Variants in NAALADL2 observed in about 807,000 individuals in gnomAD.
NAALADL2 encodes the protein N-acetylated alpha-linked acidic dipeptidase like 2.
Under a neutral mutation model 87.2 loss-of-function variants are expected in NAALADL2, and 76 were observed. The ratio of observed to expected loss-of-function variants is 0.87; its 90% CI spans 0.72 to 1.05. The LOEUF is 1.05. NAALADL2 is among the 50% of genes least tolerant of loss of function. The probability of loss-of-function intolerance (pLI) is 0.00; values close to 1 mark genes in which losing one functional copy is unlikely to be tolerated. For synonymous variants in NAALADL2, 354 were observed against 331.0 expected (o/e 1.07, Z -0.75); for missense variants, 1,089 against 945.8 (o/e 1.15, Z -1.99).
At chr3:175,593,063 T>A (rs967339529) in intron 10 of NAALADL2, among the ~76,000 whole-genome samples, 1 of 152,110 alleles carries the variant, frequency 6.6e-6, no homozygotes, top group Non-Finnish European at 1.5e-5. Flanking sequence ...GTCTGTTACA[T>A]AGGTAAACCT....
chr3:174,540,250 G>A (rs559481041), intron 1 of NAALADL2, among the ~76,000 whole-genome samples: 3 of 152,270 alleles, frequency 2.0e-5, no homozygotes, highest in Admixed American at 6.5e-5. Context: ...TGAGCTAGGC[G>A]TCAGTGAAGG....
chr3:174,467,525 A>AGAGGTTGCAGTGAGCT (rs1716609497), intron 1 of NAALADL2, among the ~76,000 whole-genome samples: 1 of 145,540 alleles, frequency 6.9e-6, no homozygotes, highest in South Asian at 2.3e-4. Flanking sequence ...CCCGGGAGGC[A>AGAGGTTGCAGTGAGCT]GAGGTTGCAG....
chr3:175,447,442 A>ACATACATC, intron 6 of NAALADL2, 70 bp downstream of exon 6: 1 of 1,059,718 alleles, frequency 9.4e-7, no homozygotes, highest in Non-Finnish European at 1.3e-6. Flanking sequence ...TTAATCTCCT[A>ACATACATC]AATTGATGTA....
intron 2 of NAALADL2, among the ~76,000 whole-genome samples, chr3:174,557,183 T>C (rs936644068): frequency 6.6e-6 from 1 of 152,218 alleles, no homozygotes; most frequent in African/African-American, 2.4e-5. Context: ...GCATTCTGTT[T>C]CGGCCTTTTT....
At chr3:175,348,193 A>G (rs1763359263) in intron 5 of NAALADL2, among the ~76,000 whole-genome samples, 1 of 152,066 alleles carries the variant, frequency 6.6e-6, no homozygotes, top group African/African-American at 2.4e-5. Context: ...CTGGGATTAC[A>G]GTCATGTGCC....
chr3:175,268,546 A>T (rs1752320815), intron 4 of NAALADL2, among the ~76,000 whole-genome samples: 1 of 151,990 alleles, frequency 6.6e-6, no homozygotes, highest in Non-Finnish European at 1.5e-5. Flanking sequence ...AATTAATCTT[A>T]TGTTACTATA....
chr3:175,199,199 T>C (rs1266637016), intron 2 of NAALADL2, among the ~76,000 whole-genome samples: 1 of 152,102 alleles, frequency 6.6e-6, no homozygotes, highest in African/African-American at 2.4e-5. Context: ...TTGAATGACA[T>C]TGAAGGTGGA....
chr3:175,300,976 T>C (rs931717026), intron 4 of NAALADL2, among the ~76,000 whole-genome samples: 4 of 151,700 alleles, frequency 2.6e-5, no homozygotes, highest in African/African-American at 9.7e-5. Flanking sequence ...TCAGGTGAGG[T>C]GGTCCTGACC....
chr3:175,155,775 G>A (rs1270015371), intron 2 of NAALADL2, among the ~76,000 whole-genome samples: 1 of 152,138 alleles, frequency 6.6e-6, no homozygotes, highest in Admixed American at 6.6e-5. Flanking sequence ...AAAAGAGACA[G>A]ATCTTTGGGC....
chr3:175,044,863 T>G (rs1754485472), intron 1 of NAALADL2, among the ~76,000 whole-genome samples: 1 of 152,034 alleles, frequency 6.6e-6, no homozygotes, highest in Non-Finnish European at 1.5e-5. Context: ...CTTTATTATA[T>G]TTTTCTGTTG....
At chr3:175,037,970 A>T (rs1753621410) in intron 1 of NAALADL2, among the ~76,000 whole-genome samples, 1 of 152,158 alleles carries the variant, frequency 6.6e-6, no homozygotes, top group Non-Finnish European at 1.5e-5. Context: ...AAGCCGAAGT[A>T]AAGACTTTCT....
chr3:175,438,613 A>G (rs1719158548), intron 5 of NAALADL2, among the ~76,000 whole-genome samples: 1 of 152,094 alleles, frequency 6.6e-6, no homozygotes, highest in Non-Finnish European at 1.5e-5. Context: ...GTAAGTCCAC[A>G]GTATTAATAC....
chr3:174,610,318 A>G (rs1423093249), intron 2 of NAALADL2, among the ~76,000 whole-genome samples: 1 of 151,960 alleles, frequency 6.6e-6, no homozygotes, highest in Non-Finnish European at 1.5e-5. Flanking sequence ...GACAAATGGG[A>G]TCTAATTAAA....
At chr3:174,460,423 G>T (rs1215724371) in intron 1 of NAALADL2, among the ~76,000 whole-genome samples, 1 of 151,644 alleles carries the variant, frequency 6.6e-6, no homozygotes, top group Non-Finnish European at 1.5e-5. Flanking sequence ...TAAAAATAAA[G>T]TATTCTATTT....
intron 13 of NAALADL2, among the ~76,000 whole-genome samples, chr3:175,764,404 G>A (rs1477655183): frequency 6.6e-6 from 1 of 152,076 alleles, no homozygotes; most frequent in African/African-American, 2.4e-5. Context: ...ACATGTGCAT[G>A]CCTTTGTGTG....
chr3:175,240,395 T>C (rs1350817), intron 3 of NAALADL2, among the ~76,000 whole-genome samples: 143,492 of 152,264 alleles, frequency 0.94, 67,726 homozygotes, highest in East Asian at 0.99. Context: ...TACAATCAGA[T>C]GCCTATTTTC....
chr3:175,122,002 T>C (rs7616141), intron 2 of NAALADL2, among the ~76,000 whole-genome samples: 10,075 of 151,878 alleles, frequency 0.066, 666 homozygotes, highest in African/African-American at 0.17. Flanking sequence ...TTGTAATAGT[T>C]GAAAGGAAAT....
intron 2 of NAALADL2, among the ~76,000 whole-genome samples, chr3:175,169,251 T>C (rs1011374471): frequency 1.3e-5 from 2 of 151,692 alleles, no homozygotes; most frequent in African/African-American, 4.8e-5. Flanking sequence ...CTAAATACTT[T>C]TGGATTAGTT....
chr3:175,096,749 TG>T, intron 1 of NAALADL2, 40 bp from the exon 2 acceptor site: 1 of 1,290,450 alleles, frequency 7.7e-7, no homozygotes, highest in Non-Finnish European at 1.0e-6. Flanking sequence ...TTTTTAATTG[TG>T]TGTTTATTTT....
Sources: gnomAD v4.1 joint callset for allele counts (sites outside exome capture counted in the v4.1 genomes callset) on GRCh38, gnomAD v4.1.1 for gene constraint, MANE v1.5 for transcripts, NCBI Gene and HGNC (gene_info 2026-07-23, HGNC 2026-07-21) for gene names.